The following GALNT13 variants were observed in gnomAD, a reference collection of about 807,000 sequenced individuals.
GALNT13 encodes UDP-GalNAc:polypeptide N-acetylgalactosaminyltransferase 13.
GALNT13 carries 28 observed loss-of-function variants against 64.2 expected under a neutral mutation model. The observed-to-expected ratio is 0.44, with a 90% CI of 0.32 to 0.60. The LOEUF is 0.60. GALNT13 is among the 20% of genes least tolerant of loss of function. The pLI, the probability that GALNT13 is intolerant of heterozygous loss-of-function variation, is 0.05. For synonymous variants in GALNT13, 214 were observed against 224.6 expected (o/e 0.95, Z 0.42); for missense variants, 577 against 669.8 (o/e 0.86, Z 1.53).
At chr2:154,394,076 T>TAAAAAA (rs1698938992) in intron 9 of GALNT13, among the ~76,000 whole-genome samples, 1 of 106 alleles carries the variant, frequency 9.4e-3, no homozygotes, top group African/African-American at 0.016. Context: ...AGACTCCGTC[T>TAAAAAA]CAAAAAAAAA....
chr2:153,294,239 G>C, the GALNT13 span, among the ~76,000 whole-genome samples: 1 of 152,074 alleles, frequency 6.6e-6, no homozygotes, highest in Non-Finnish European at 1.5e-5. Context: ...AAGTGTGGGG[G>C]ATGTGAGGAA....
chr2:154,130,747 C>G (rs190525228), intron 3 of GALNT13, among the ~76,000 whole-genome samples: 2 of 152,264 alleles, frequency 1.3e-5, no homozygotes, highest in East Asian at 3.9e-4. Flanking sequence ...ATGCAGTACT[C>G]TTTTCTTTAT....
chr2:153,741,176 G>T, the GALNT13 span, among the ~76,000 whole-genome samples: 1 of 151,436 alleles, frequency 6.6e-6, no homozygotes. Context: ...TCTCACTATC[G>T]TATTTTTTTT....
chr2:154,145,092 C>CTATATATATATATA (rs1380676288), intron 4 of GALNT13, among the ~76,000 whole-genome samples: 3 of 127,772 alleles, frequency 2.3e-5, no homozygotes, highest in African/African-American at 5.7e-5. Context: ...ATCTATCTAT[C>CTATATATATATATA]TATCTATCTA....
At chr2:153,197,250 G>GCATA in the GALNT13 span, among the ~76,000 whole-genome samples, 1 of 152,244 alleles carries the variant, frequency 6.6e-6, no homozygotes, top group South Asian at 2.1e-4. Flanking sequence ...ATGCATGCAT[G>GCATA]CCTGGGGTTA....
At chr2:154,051,318 C>T (rs1244784350) in intron 3 of GALNT13, among the ~76,000 whole-genome samples, 1 of 123,452 alleles carries the variant, frequency 8.1e-6, no homozygotes, top group Non-Finnish European at 1.6e-5. Flanking sequence ...GAGTCTCGCT[C>T]TGTCGCCCAG....
At chr2:153,265,122 G>T in the GALNT13 span, among the ~76,000 whole-genome samples, 1 of 152,126 alleles carries the variant, frequency 6.6e-6, no homozygotes, top group East Asian at 1.9e-4. Context: ...AGAGCTGCAA[G>T]CTGTGCTGTT....
chr2:153,699,862 CA>C, the GALNT13 span, among the ~76,000 whole-genome samples: 2 of 151,862 alleles, frequency 1.3e-5, no homozygotes, highest in African/African-American at 4.8e-5. Flanking sequence ...GCCTACCAAC[CA>C]AAAAAAGCCC....
the GALNT13 span, among the ~76,000 whole-genome samples, chr2:153,554,325 C>T: frequency 6.6e-6 from 1 of 151,434 alleles, no homozygotes; most frequent in Non-Finnish European, 1.5e-5. Flanking sequence ...CAGAGTGAGA[C>T]TCTGTGTCAA....
intron 9 of GALNT13, among the ~76,000 whole-genome samples, chr2:154,369,351 C>T (rs707037): frequency 0.34 from 51,634 of 151,804 alleles, 9,059 homozygotes; most frequent in African/African-American, 0.41. Context: ...TCTTGACTGA[C>T]GTAATACATA....
chr2:153,716,091 C>CT, the GALNT13 span, among the ~76,000 whole-genome samples: 3 of 152,146 alleles, frequency 2.0e-5, no homozygotes, highest in African/African-American at 7.2e-5. Flanking sequence ...CCTTGCTTGT[C>CT]TGAGTATCCT....
chr2:154,454,285 T>G (rs1701980553), downstream of GALNT13, among the ~76,000 whole-genome samples: 1 of 152,156 alleles, frequency 6.6e-6, no homozygotes, highest in South Asian at 2.1e-4. Flanking sequence ...TGGTGTTGCC[T>G]GGACCCCTTA....
At chr2:153,524,321 CTTTTT>C in the GALNT13 span, among the ~76,000 whole-genome samples, 5 of 135,076 alleles carry the variant, frequency 3.7e-5, no homozygotes, top group Non-Finnish European at 3.2e-5. Context: ...TATTCCTTCT[CTTTTT>C]TTTTTTTTTT....
At chr2:153,835,985 C>T in the GALNT13 span, among the ~76,000 whole-genome samples, 1,875 of 152,026 alleles carry the variant, frequency 0.012, 47 homozygotes, top group African/African-American at 0.042. Flanking sequence ...CCTTAATGTG[C>T]TCTATGTTAT....
In GALNT13 at chr2:154,003,877, A is replaced by C. The variant is rs139913053; in HGVS notation, c.142+59238A>C. Among the ~76,000 whole-genome samples the C allele has an allele frequency of 6.2e-4, 94 of 152,150 alleles. 2 individuals are homozygous for C. In the East Asian group the frequency reaches 0.018, roughly 29 times the overall value. On this transcript the variant is annotated intron_variant, in intron 3 of 12. Transcript: ENST00000392825. ...GCCTGCTTCCTCTTCACCTTCCACC[A>C]TTATTGTAAGTTTCCTGAGGCCTCC...
chr2:153,562,979 T>C, the GALNT13 span, among the ~76,000 whole-genome samples: 1 of 152,182 alleles, frequency 6.6e-6, no homozygotes, highest in Non-Finnish European at 1.5e-5. Flanking sequence ...AAAAATGTAT[T>C]GTATGAATTA....
At chr2:153,112,356 C>A in the GALNT13 span, among the ~76,000 whole-genome samples, 1 of 152,126 alleles carries the variant, frequency 6.6e-6, no homozygotes, top group East Asian at 1.9e-4. Flanking sequence ...TCTTGTCCAT[C>A]AGTGCCTATG....
chr2:153,684,696 T>C, the GALNT13 span, among the ~76,000 whole-genome samples: 1 of 151,838 alleles, frequency 6.6e-6, no homozygotes, highest in Admixed American at 6.6e-5. Flanking sequence ...TGCAGGTTTG[T>C]TATATAGCTA....
chr2:153,361,454 C>T, the GALNT13 span, among the ~76,000 whole-genome samples: 4 of 151,790 alleles, frequency 2.6e-5, no homozygotes, highest in Non-Finnish European at 5.9e-5. Flanking sequence ...TAACCCAATG[C>T]AAAGAAGGTA....
Sources: gnomAD v4.1 joint callset for allele counts (sites outside exome capture counted in the v4.1 genomes callset) on GRCh38, gnomAD v4.1.1 for gene constraint, MANE v1.5 for transcripts, NCBI Gene and HGNC (gene_info 2026-07-23, HGNC 2026-07-21) for gene names.